The following NCALD variants were observed in gnomAD, a reference collection of about 807,000 sequenced individuals.
The protein encoded by NCALD is neurocalcin-delta.
Under a neutral mutation model 18.6 loss-of-function variants are expected in NCALD, and 10 were observed. The observed-to-expected ratio is 0.54, with a 90% CI of 0.33 to 0.91. The LOEUF is 0.91. NCALD is among the 40% of genes least tolerant of loss of function. NCALD has a pLI of 0.03. For missense variants in NCALD, 184 were observed against 247.6 expected (o/e 0.74, Z 1.72); for synonymous variants, 88 against 87.4 (o/e 1.01, Z -0.04).
chr8:101,991,688 C>A (rs1821054665), intron 2 of NCALD, among the ~76,000 whole-genome samples: 1 of 152,106 alleles, frequency 6.6e-6, no homozygotes, highest in South Asian at 2.1e-4. Context: ...GCGAACCATC[C>A]TGTGCAAAAG....
At chr8:102,104,878 T>C (rs964828906) in intron 1 of NCALD, among the ~76,000 whole-genome samples, 3 of 152,166 alleles carry the variant, frequency 2.0e-5, no homozygotes, top group African/African-American at 7.2e-5. Context: ...GGTTGAACAA[T>C]AGGCATGAAA....
chr8:102,051,705 G>A (rs747190236), intron 1 of NCALD, among the ~76,000 whole-genome samples: 2 of 152,124 alleles, frequency 1.3e-5, no homozygotes, highest in African/African-American at 2.4e-5. Flanking sequence ...TCAGCAGCAC[G>A]GTACTCCGAA....
At chr8:101,691,911 A>C (rs1322968601) in intron 3 of NCALD, 1 of 985,334 alleles carries the variant, frequency 1.0e-6, no homozygotes, top group African/African-American at 1.7e-5. Context: ...AGCTGATAAT[A>C]ACAGCAAGAG....
intron 1 of NCALD, among the ~76,000 whole-genome samples, chr8:101,722,936 A>G (rs769639796): frequency 6.6e-6 from 1 of 152,222 alleles, no homozygotes; most frequent in Admixed American, 6.5e-5. Context: ...TTGAGACACC[A>G]TCTGGACTTG....
upstream of NCALD, among the ~76,000 whole-genome samples, chr8:101,792,655 G>A (rs1271685162): frequency 6.6e-6 from 1 of 152,154 alleles, no homozygotes; most frequent in East Asian, 1.9e-4. Flanking sequence ...CTGCTTTTAT[G>A]TTCAGAAATG....
chr8:101,947,318 G>A (rs1819214895), intron 2 of NCALD, among the ~76,000 whole-genome samples: 1 of 152,158 alleles, frequency 6.6e-6, no homozygotes, highest in South Asian at 2.1e-4. Context: ...GTTAGCCAAA[G>A]CTTTGGCAGA....
At chr8:101,886,873 T>A (rs992045808) in intron 4 of NCALD, among the ~76,000 whole-genome samples, 1 of 152,202 alleles carries the variant, frequency 6.6e-6, no homozygotes, top group African/African-American at 2.4e-5. Flanking sequence ...AAATCTCTTG[T>A]ACTTAAATAA....
intron 2 of NCALD, among the ~76,000 whole-genome samples, chr8:102,006,554 G>C (rs1161656442): frequency 6.6e-6 from 1 of 152,056 alleles, no homozygotes; most frequent in Admixed American, 6.6e-5. Flanking sequence ...CTGCCCTCTG[G>C]CTTCTTGTTG....
At chr8:101,962,584 T>C (rs2131856412) in intron 2 of NCALD, among the ~76,000 whole-genome samples, 1 of 152,288 alleles carries the variant, frequency 6.6e-6, no homozygotes, top group Middle Eastern at 3.4e-3. Context: ...CCAGTAGCAA[T>C]GGCATCACCT....
intron 1 of NCALD, among the ~76,000 whole-genome samples, chr8:101,790,620 T>C (rs1488479189): frequency 6.6e-6 from 1 of 152,224 alleles, no homozygotes; most frequent in East Asian, 1.9e-4. Flanking sequence ...AATAATGTTA[T>C]GTTAGCAAGT....
intron 1 of NCALD, among the ~76,000 whole-genome samples, chr8:101,766,087 G>T (rs544323569): frequency 6.6e-6 from 1 of 151,990 alleles, no homozygotes; most frequent in Admixed American, 6.6e-5. Context: ...CCTTATTTTC[G>T]TTATTCTTAA....
chr8:102,092,986 G>A (rs1374547699), intron 1 of NCALD, among the ~76,000 whole-genome samples: 1 of 152,080 alleles, frequency 6.6e-6, no homozygotes, highest in Non-Finnish European at 1.5e-5. Context: ...GTAGAGCTTT[G>A]CACATTGCCA....
chr8:101,944,419 T>A (rs1819088187), intron 2 of NCALD, among the ~76,000 whole-genome samples: 1 of 152,200 alleles, frequency 6.6e-6, no homozygotes. Context: ...AACAGAGAGA[T>A]GCTGTAAACT....
At chr8:101,695,352 C>T (rs900577194) in intron 2 of NCALD, among the ~76,000 whole-genome samples, 1 of 152,164 alleles carries the variant, frequency 6.6e-6, no homozygotes, top group African/African-American at 2.4e-5. Flanking sequence ...TTCTCCAAGT[C>T]TGTTCTGGCC....
chr8:101,998,177 G>A (rs1212816069), intron 2 of NCALD, among the ~76,000 whole-genome samples: 5 of 152,138 alleles, frequency 3.3e-5, no homozygotes, highest in African/African-American at 1.2e-4. Flanking sequence ...GGGTCTTTAT[G>A]CACCAGAACT....
chr8:101,695,925 G>A (rs1174150792), intron 2 of NCALD, among the ~76,000 whole-genome samples: 2 of 152,034 alleles, frequency 1.3e-5, no homozygotes, highest in African/African-American at 2.4e-5. Context: ...ATTCTGCACT[G>A]CTCCAATTTA....
At chr8:102,033,702 A>T (rs1355282329) in intron 1 of NCALD, among the ~76,000 whole-genome samples, 1 of 152,158 alleles carries the variant, frequency 6.6e-6, no homozygotes, top group East Asian at 1.9e-4. Context: ...TTGCTGGATA[A>T]TGGAGGCATT....
intron 1 of NCALD, among the ~76,000 whole-genome samples, chr8:101,754,360 T>C (rs939014900): frequency 6.6e-6 from 1 of 152,176 alleles, no homozygotes; most frequent in Non-Finnish European, 1.5e-5. Flanking sequence ...GGTGCTGCTA[T>C]AACAAGATGT....
intron 4 of NCALD, among the ~76,000 whole-genome samples, chr8:101,871,301 AT>A (rs1816008114): frequency 1.3e-5 from 2 of 152,146 alleles, no homozygotes; most frequent in South Asian, 4.1e-4. Flanking sequence ...AATGGGCACT[AT>A]TTTTAAATAG....
Sources: allele counts gnomAD v4.1 joint callset (sites outside exome capture counted in the v4.1 genomes callset), GRCh38; gene constraint gnomAD v4.1.1; transcripts MANE v1.5; gene names NCBI Gene and HGNC (gene_info 2026-07-23, HGNC 2026-07-21).